Variants in S100Z observed in about 807,000 individuals in gnomAD.
S100Z encodes S100 calcium binding protein Z.
In S100Z, 11 loss-of-function variants were observed where a neutral mutation model predicts 8.5. That is an observed-to-expected ratio of 1.30 (90% confidence interval 0.82 to 2.15). The LOEUF (loss-of-function observed/expected upper bound fraction) is 2.15. S100Z is among the 30% of genes most tolerant of loss of function. The pLI, the probability that S100Z is intolerant of heterozygous loss-of-function variation, is 0.00. For missense variants in S100Z, 126 were observed against 117.9 expected (o/e 1.07, Z -0.32); for synonymous variants, 34 against 43.8 (o/e 0.78, Z 0.89).
chr5:76,913,052 C>T (rs1019829423), intron 4 of S100Z, among the ~76,000 whole-genome samples: 1 of 152,166 alleles, frequency 6.6e-6, no homozygotes. Flanking sequence ...ATACCCTATT[C>T]CTTTAAAAGC....
At chr5:76,853,339 A>G (rs1405506668) in intron 1 of S100Z, among the ~76,000 whole-genome samples, 1 of 152,250 alleles carries the variant, frequency 6.6e-6, no homozygotes. Flanking sequence ...AAGAAGAAAG[A>G]TAGATCTTGG....
intron 4 of S100Z, 61 bp downstream of exon 4, chr5:76,877,895 T>G: frequency 8.3e-7 from 1 of 1,206,816 alleles, no homozygotes; most frequent in Non-Finnish European, 1.2e-6. Flanking sequence ...TAATGTTCAT[T>G]TATACCGTTC....
the S100Z span, among the ~76,000 whole-genome samples, chr5:76,939,886 G>A: frequency 6.6e-4 from 101 of 152,080 alleles, no homozygotes; most frequent in African/African-American, 2.2e-3. Context: ...TGGGCCAGGC[G>A]CGGTGGCTCA....
At chr5:76,866,133 G>A (rs1037253080) in intron 1 of S100Z, among the ~76,000 whole-genome samples, 2 of 147,176 alleles carry the variant, frequency 1.4e-5, no homozygotes, top group Non-Finnish European at 2.9e-5. Flanking sequence ...CACCCAGGCT[G>A]GAGTGCAGTG....
At chr5:76,902,601 C>T (rs1283921660) in intron 4 of S100Z, among the ~76,000 whole-genome samples, 2 of 151,632 alleles carry the variant, frequency 1.3e-5, no homozygotes, top group Non-Finnish European at 2.9e-5. Flanking sequence ...TGAGTGCACA[C>T]CTGATTTTTG....
intron 2 of S100Z, among the ~76,000 whole-genome samples, chr5:76,875,009 T>C (rs934072791): frequency 2.0e-5 from 3 of 152,068 alleles, no homozygotes; most frequent in African/African-American, 7.2e-5. Flanking sequence ...CTCAGCCTCC[T>C]GAGTAGCTAG....
chr5:76,907,309 C>T (rs1052495846), intron 4 of S100Z, among the ~76,000 whole-genome samples: 1 of 151,326 alleles, frequency 6.6e-6, no homozygotes, highest in Non-Finnish European at 1.5e-5. Context: ...TGTAGTAATT[C>T]TTTTGTTTTT....
chr5:76,917,992 C>T (rs1441988558), intron 4 of S100Z, among the ~76,000 whole-genome samples: 1 of 152,108 alleles, frequency 6.6e-6, no homozygotes, highest in East Asian at 1.9e-4. Context: ...AAATATATAT[C>T]TGTGTAGTCT....
chr5:76,906,873 C>T (rs1744440430), intron 4 of S100Z, among the ~76,000 whole-genome samples: 1 of 151,262 alleles, frequency 6.6e-6, no homozygotes, highest in South Asian at 2.1e-4. Context: ...TCTCATGATC[C>T]TCCCACCTTG....
At chr5:76,904,778 C>T (rs1462193219) in intron 4 of S100Z, among the ~76,000 whole-genome samples, 1 of 152,030 alleles carries the variant, frequency 6.6e-6, no homozygotes. Flanking sequence ...CTCCTAGGCT[C>T]AAGTAATCCT....
chr5:76,865,240 CTTT>C (rs140953492), intron 1 of S100Z, among the ~76,000 whole-genome samples: 41,266 of 99,168 alleles, frequency 0.42, 6,863 homozygotes, highest in East Asian at 0.63. Flanking sequence ...TGTCCTAGCT[CTTT>C]TTTTTTTTTT....
the S100Z span, among the ~76,000 whole-genome samples, chr5:76,946,392 C>T: frequency 6.6e-6 from 1 of 152,038 alleles, no homozygotes; most frequent in African/African-American, 2.4e-5. Context: ...TTCCAGTTCC[C>T]CCTTTCTTCA....
chr5:76,893,284 A>G lies in S100Z; in HGVS notation c.*2+15450A>G, dbSNP rs561536208. 9.2e-5 allele frequency among the ~76,000 whole-genome samples: 14 copies of G among 152,264 alleles called. No homozygotes were observed. The South Asian group carries it at 2.3e-3, about 25-fold the overall frequency. ...GCAGTTTTTAATTTTCTGCACCCCC[A>G]TCAAGAAGAGAACAGGCTCCTTTTC... is the stretch of plus-strand genomic sequence containing the variant. On this transcript the variant is annotated intron_variant, in intron 4 of 4. Transcript: ENST00000317593.
At chr5:76,897,181 G>A (rs183192101) in intron 4 of S100Z, among the ~76,000 whole-genome samples, 77 of 152,088 alleles carry the variant, frequency 5.1e-4, no homozygotes, top group African/African-American at 1.8e-3. Context: ...GGCCGGGTGC[G>A]GTGGCTCATG....
intron 1 of S100Z, among the ~76,000 whole-genome samples, chr5:76,862,130 CGT>C (rs3053269): frequency 0.26 from 38,353 of 146,926 alleles, 4,947 homozygotes; most frequent in African/African-American, 0.3. Flanking sequence ...AAGGAGTGTG[CGT>C]GTGTGTGTGT....
chr5:76,881,019 G>A (rs1159285307), intron 4 of S100Z, among the ~76,000 whole-genome samples: 1 of 152,162 alleles, frequency 6.6e-6, no homozygotes. Context: ...CTGGGGAGAG[G>A]TAGAGAGTGG....
At chr5:76,850,335 GGA>G (rs1172691001) in intron 1 of S100Z, among the ~76,000 whole-genome samples, 180 bp downstream of exon 1, 55 of 110,854 alleles carry the variant, frequency 5.0e-4, no homozygotes, top group Admixed American at 4.4e-4. Flanking sequence ...GGGGGGTGGG[GGA>G]GAGAGAGAGA....
At chr5:76,877,000 T>C (rs1460753090) in intron 3 of S100Z, among the ~76,000 whole-genome samples, 1 of 152,140 alleles carries the variant, frequency 6.6e-6, no homozygotes, top group Non-Finnish European at 1.5e-5. Context: ...GACCTACCTT[T>C]CTTTGGGTGC....
chr5:76,865,739 G>A (rs796454402), intron 1 of S100Z, among the ~76,000 whole-genome samples: 5 of 151,676 alleles, frequency 3.3e-5, no homozygotes, highest in South Asian at 4.2e-4. Flanking sequence ...TTGGCTGGGC[G>A]CAGTGGCTCA....
Sources: allele counts gnomAD v4.1 joint callset (sites outside exome capture counted in the v4.1 genomes callset), GRCh38; gene constraint gnomAD v4.1.1; transcripts MANE v1.5; gene names NCBI Gene and HGNC (gene_info 2026-07-23, HGNC 2026-07-21).